Variants in FBXL19 observed in about 807,000 individuals in gnomAD.
FBXL19 encodes F-box/LRR-repeat protein 19.
In FBXL19, 16 loss-of-function variants were observed where a neutral mutation model predicts 71.2. The observed-to-expected ratio is 0.22, with a 90% CI of 0.15 to 0.34. The LOEUF is 0.34. Among genes scored for constraint, FBXL19 ranks in the 10% least tolerant of loss-of-function variants. The probability of loss-of-function intolerance (pLI) is 1.00; values close to 1 mark genes in which losing one functional copy is unlikely to be tolerated. For synonymous variants in FBXL19, 447 were observed against 409.4 expected (o/e 1.09, Z -1.11); for missense variants, 658 against 968.2 (o/e 0.68, Z 4.25).
rs1316127648 is a variant in FBXL19, at chr16:30,942,430, C to T, written c.1521C>T (p.Gly507=). The T allele has an allele frequency of 6.2e-7, 1 of 1,608,346 alleles. No homozygotes were observed. The highest frequency in any genetic ancestry group is 1.3e-5 in the African/African-American group (1 of 74,910). The change falls in exon 9 of 11, where the codon GGC becomes GGT. Residue 507 remains glycine (G), a synonymous_variant. Coordinates refer to ENST00000338343, the MANE Select transcript of FBXL19 (RefSeq NM_001382779.1). The surrounding 1 kb of genome is among the most constrained non-coding windows in gnomAD (Gnocchi z 5.7). Reference sequence around the variant, plus strand: ...CCTGGCTCTCTGTCTCTGCCCTGGGCTCAGCCCCACTGCCAGCCCTGCGGC... The same window carrying T: ...CCTGGCTCTCTGTCTCTGCCCTGGGTTCAGCCCCACTGCCAGCCCTGCGGC... The part of the protein sequence containing the change: ...GCSWLSVSAL[G]SAPLPALRLL...
intron 7 of FBXL19, among the ~76,000 whole-genome samples, chr16:30,939,987 T>G (rs1567341253): frequency 6.6e-6 from 1 of 151,982 alleles, no homozygotes; most frequent in Non-Finnish European, 1.5e-5. Context: ...CCAGGCACAG[T>G]GGCTCACGCC....
chr16:30,944,169 C>CTTTT (rs761103868), intron 9 of FBXL19, among the ~76,000 whole-genome samples: 3 of 62,936 alleles, frequency 4.8e-5, no homozygotes, highest in African/African-American at 6.7e-5. Flanking sequence ...GAAGGTGGGC[C>CTTTT]TTTTTTTTTT....
At chr16:30,929,944 C>A in intron 6 of FBXL19, 129 bp from the exon 7 acceptor site, 1 of 1,281,484 alleles carries the variant, frequency 7.8e-7, no homozygotes. Context: ...TCTCACTGTC[C>A]GGAGCAGAGC....
chr16:30,924,599 T>C lies in FBXL19; in HGVS notation c.-25+140T>C, dbSNP rs570053937. On this transcript the variant is annotated intron_variant, in intron 1 of 10. Coordinates refer to ENST00000338343, the MANE Select transcript of FBXL19 (RefSeq NM_001382779.1). ...CAAACTCATCTCCAGCCCTCCTTCC[T>C]ATGACCTCTCCACCCTGGGGAACTG... is the stretch of plus-strand genomic sequence containing the variant. The C allele has an allele frequency of 3.2e-5, 44 of 1,358,874 alleles. No individual in the cohort carries two copies. The East Asian group carries it at 1.3e-3, about 40-fold the overall frequency. The allele number at this position is 1,358,874 out of a possible 1,614,324, so 84.2% of individuals were successfully genotyped here.
intron 7 of FBXL19, among the ~76,000 whole-genome samples, chr16:30,937,458 T>A (rs1007877183): frequency 1.3e-5 from 2 of 152,136 alleles, no homozygotes; most frequent in African/African-American, 4.8e-5. Context: ...CATGTCTCCC[T>A]GACTGTATGG....
rs778303998 is a variant in FBXL19 at position 30,925,310 on chromosome 16, C to T, written c.-24-421C>T. Among the ~76,000 whole-genome samples the T allele has an allele frequency of 3.8e-4, 58 of 151,976 alleles. No individual in the cohort carries two copies. The highest frequency in any genetic ancestry group is 7.4e-4 in the Non-Finnish European group (50 of 67,972). On this transcript the variant is annotated intron_variant, in intron 1 of 10. Transcript: ENST00000338343. This position sits in a 1 kb window ranked among gnomAD's most constrained non-coding sequence, Gnocchi z 5.0. ...GGGAGGTGAATCTGGGCAGTTTACC[C>T]CAGATTGAGGTTGGGGAGAGCCTGG...
Position 30,947,122 on chromosome 16 carries a change from G to C in FBXL19, c.1917G>C (p.Leu639=). ...GCCCTCGTCTACGCCGCCTAGACCTGCGCTCCTGCCGCCAGCTCTCACCCG... is the reference window on the plus strand; with the variant it reads ...GCCCTCGTCTACGCCGCCTAGACCTCCGCTCCTGCCGCCAGCTCTCACCCG... The part of the protein sequence containing the change: ...RRCPRLRRLD[L]RSCRQLSPEA... The change falls in exon 11 of 11, where the codon CTG becomes CTC. Residue 639 remains leucine, a synonymous_variant. Coordinates refer to ENST00000338343, the MANE Select transcript of FBXL19 (RefSeq NM_001382779.1). 1 of 1,599,612 alleles carries C rather than the reference G, an allele frequency of 6.3e-7. No individual in the cohort carries two copies. The highest frequency in any genetic ancestry group is 1.1e-5 in the South Asian group (1 of 90,710).
rs1007898148 is a variant in FBXL19, at chr16:30,946,905, C to G, written c.1803C>G (p.Pro601=). 6.2e-7 allele frequency: 1 copy of G among 1,610,976 alleles called. No individual in the cohort carries two copies. The highest frequency in any genetic ancestry group is 1.7e-5 in the Admixed American group (1 of 59,788). ...GDPSVHLLTA[P]TSPLRETLVH... ...CCAGTGTTCACCTCCTCACGGCCCC[C>G]ACGTCCCCACTCCGCGAGACCCTGG... Residue 601 remains proline, a synonymous_variant, in exon 10 of 11, where the codon CCC becomes CCG. Coordinates refer to ENST00000338343, the MANE Select transcript of FBXL19 (RefSeq NM_001382779.1). The surrounding 1 kb of genome is among the most constrained non-coding windows in gnomAD (Gnocchi z 6.7).
intron 6 of FBXL19, among the ~76,000 whole-genome samples, chr16:30,928,833 A>C (rs1396121310): frequency 1.3e-5 from 2 of 152,176 alleles, no homozygotes; most frequent in African/African-American, 4.8e-5. Flanking sequence ...AAAAACCCTT[A>C]GGGCTCATCT....
chr16:30,940,999 G>C (rs920255553), intron 7 of FBXL19, among the ~76,000 whole-genome samples: 1 of 152,184 alleles, frequency 6.6e-6, no homozygotes, highest in Admixed American at 6.5e-5. Flanking sequence ...GTTGAGGCCT[G>C]TGGAGTGCTC....
At chr16:30,928,854 C>T (rs2055636263) in intron 6 of FBXL19, among the ~76,000 whole-genome samples, 1 of 152,320 alleles carries the variant, frequency 6.6e-6, no homozygotes, top group East Asian at 1.9e-4. Context: ...GACCTACTTG[C>T]CTCATCTTTC....
At chr16:30,935,941 A>C (rs1178257150) in intron 7 of FBXL19, among the ~76,000 whole-genome samples, 3 of 152,140 alleles carry the variant, frequency 2.0e-5, no homozygotes, top group Admixed American at 1.3e-4. Flanking sequence ...TCTCCAGCTT[A>C]GAAAGAACCC....
rs1208140681 is a variant in FBXL19 at position 30,927,339 on chromosome 16, T to G, written c.209T>G (p.Leu70Trp). The change falls in exon 3 of 11, where the codon TTG (leucine) becomes TGG (tryptophan). Residue 70 changes from leucine (L) to tryptophan (W), a missense_variant. Physicochemically the swap from Leu to Trp is moderately conservative, Grantham distance 61. This residue lies in a region of FBXL19 where 447 missense variants were observed against 515.4 expected (regional missense o/e 0.87). Coordinates refer to ENST00000338343, the MANE Select transcript of FBXL19 (RefSeq NM_001382779.1). ...PVLPHTAVCL[L>W]CGEAGKEDTV... is the part of the protein sequence containing the mutation. ...CTCCCACACACAGCTGTGTGCCTCT[T>G]GTGTGGGGAGGCTGGGAAGGAGGAC... 6.3e-7 allele frequency: 1 copy of G among 1,582,042 alleles called. No homozygotes were observed. The highest frequency in any genetic ancestry group is 8.6e-7 in the Non-Finnish European group (1 of 1,163,672).
chr16:30,946,921 G>A lies in FBXL19; in HGVS notation c.1819G>A (p.Glu607Lys), dbSNP rs1003744078. Residue 607 changes from glutamate (E) to lysine (K), a missense_variant, in exon 10 of 11, where the codon GAG becomes AAG. Physicochemically the swap from Glu to Lys is moderately conservative, Grantham distance 56. Around this residue, in one of 8 missense-constraint regions of FBXL19, gnomAD observed 69 missense variants for 177.8 expected, o/e 0.39. Coordinates refer to ENST00000338343, the MANE Select transcript of FBXL19 (RefSeq NM_001382779.1). The surrounding 1 kb of genome is among the most constrained non-coding windows in gnomAD (Gnocchi z 6.7). ...CACGGCCCCCACGTCCCCACTCCGC[G>A]AGACCCTGGTGCACCTCAATCTTGC... ...LLTAPTSPLR[E>K]TLVHLNLAGC... The A allele has an allele frequency of 1.9e-6, 3 of 1,609,794 alleles. No individual in the cohort carries two copies. Among genetic ancestry groups the A allele is most frequent in the Non-Finnish European group, 2.5e-6 (3 of 1,178,908 alleles).
chr16:30,933,798 G>C (rs1332762364), intron 7 of FBXL19, among the ~76,000 whole-genome samples: 1 of 150,540 alleles, frequency 6.6e-6, no homozygotes, highest in Non-Finnish European at 1.5e-5. Flanking sequence ...TGTTGCCCAG[G>C]CTGGAGTGCA....
At position 30,927,740 on chromosome 16, in the gene FBXL19, C is replaced by T. The variant is rs2055610566; in HGVS notation, c.409-5C>T. On this transcript the variant is annotated splice_region_variant and splice_polypyrimidine_tract_variant and intron_variant, in intron 4 of 10. Coordinates refer to ENST00000338343, the MANE Select transcript of FBXL19 (RefSeq NM_001382779.1). ...GTCCTCACCCCCAGCTTCTGTCCCG[C>T]CTAGGATTCAGGTGAGGGGCCTGGC... 6.4e-7 allele frequency: 1 copy of T among 1,557,002 alleles called. No homozygotes were observed. The highest frequency in any genetic ancestry group is 8.7e-7 in the Non-Finnish European group (1 of 1,150,802).
In FBXL19 at chr16:30,925,294, A is replaced by G. The variant is rs1408548431; in HGVS notation, c.-24-437A>G. On this transcript the variant is annotated intron_variant, in intron 1 of 10. Coordinates refer to ENST00000338343, the MANE Select transcript of FBXL19 (RefSeq NM_001382779.1). This position sits in a 1 kb window ranked among gnomAD's most constrained non-coding sequence, Gnocchi z 5.0. ...GAATCTCTGGGTATCTGGGAGGTGA[A>G]TCTGGGCAGTTTACCCCAGATTGAG... Among the ~76,000 whole-genome samples, 1 of 151,954 alleles carries G rather than the reference A, an allele frequency of 6.6e-6. No individual in the cohort carries two copies. Among genetic ancestry groups the G allele is most frequent in the African/African-American group, 2.4e-5 (1 of 41,350 alleles).
chr16:30,929,126 C>T (rs1277927250), intron 6 of FBXL19, among the ~76,000 whole-genome samples: 4 of 152,166 alleles, frequency 2.6e-5, no homozygotes. Context: ...TTGTCCAAGT[C>T]ACACAGTAAA....
At chr16:30,939,676 C>T (rs2055780467) in intron 7 of FBXL19, among the ~76,000 whole-genome samples, 1 of 151,932 alleles carries the variant, frequency 6.6e-6, no homozygotes, top group East Asian at 1.9e-4. Context: ...CCTCGGCCTC[C>T]CAAAGTGCTG....
Sources: gnomAD v4.1 joint callset for allele counts (sites outside exome capture counted in the v4.1 genomes callset) on GRCh38, gnomAD v4.1.1 for gene constraint, gnomAD v4.1.1 regional missense constraint, Gnocchi (gnomAD v3.1) non-coding constraint, MANE v1.5 for transcripts, NCBI Gene and HGNC (gene_info 2026-07-23, HGNC 2026-07-21) for gene names.